TPO: variants seen among roughly 807,000 people sequenced by gnomAD.
TPO encodes thyroid peroxidase.
In TPO, 78 loss-of-function variants were observed where a neutral mutation model predicts 96.9. That is an observed-to-expected ratio of 0.81 (90% CI 0.67 to 0.97). The LOEUF (loss-of-function observed/expected upper bound fraction) is 0.97. Ranked by LOEUF, TPO falls within the 50% of genes least tolerant of loss-of-function variation. The pLI is 0.00. For synonymous variants in TPO, 547 were observed against 538.0 expected, an observed-to-expected ratio of 1.02 and a Z score of -0.23; for missense variants, 1,252 against 1,274.8, an observed-to-expected ratio of 0.98 and a Z score of 0.27.
chr2:1,490,480 A>G (rs1039327191), intron 10 of TPO, among the ~76,000 whole-genome samples: 45 of 141,632 alleles, frequency 3.2e-4, no homozygotes, highest in Middle Eastern at 3.8e-3. Flanking sequence ...GGTCCCACAC[A>G]GGGGGAGTCA....
At chr2:1,479,963 A>ATAGAC (rs1334488206) in intron 8 of TPO, among the ~76,000 whole-genome samples, 3 of 152,042 alleles carry the variant, frequency 2.0e-5, no homozygotes, top group Non-Finnish European at 4.4e-5. Context: ...TATATTTTTA[A>ATAGAC]TAGACATGGG....
rs752390603 is a variant in TPO, at chr2:1,503,996, C to T, written c.2435C>T (p.Ala812Val). Residue 812 changes from alanine (A) to valine (V), a missense_variant, in exon 14 of 17, where the codon GCG (alanine) becomes GTG (valine). Transcript: ENST00000329066. ...DGAHPPCHAS[A>V]RCRNTKGGFQ... The stretch of plus-strand genomic sequence containing the variant: ...GCCCACCCCCCCTGCCACGCCTCTG[C>T]GAGGTGCAGAAACACCAAAGGCGGC... The T allele has an allele frequency of 8.7e-6, 14 of 1,614,074 alleles. No individual in the cohort carries two copies. The highest frequency in any genetic ancestry group is 2.2e-5 in the South Asian group (2 of 91,090).
intron 7 of TPO, among the ~76,000 whole-genome samples, chr2:1,471,024 C>T (rs1669354517): frequency 6.6e-6 from 1 of 152,236 alleles, no homozygotes; most frequent in South Asian, 2.1e-4. Flanking sequence ...TTGCCTCTCT[C>T]TTCATAAGCA....
At chr2:1,509,439 C>A (rs1200418741) in intron 14 of TPO, among the ~76,000 whole-genome samples, 1 of 151,544 alleles carries the variant, frequency 6.6e-6, no homozygotes, top group Non-Finnish European at 1.5e-5. Flanking sequence ...TCAGGGACAC[C>A]ACATCCTCCT....
In TPO at chr2:1,529,163, C is replaced by T. The variant is rs1315483570; in HGVS notation, c.2619-11431C>T. 8.3e-5 allele frequency among the ~76,000 whole-genome samples: 8 copies of T among 96,428 alleles called. 1 individual carries two copies. The highest frequency in any genetic ancestry group is 7.6e-5 in the Non-Finnish European group (4 of 52,302). 63.3% of individuals were successfully genotyped at this position (96,428 alleles called of 152,430 possible). A position where few individuals can be genotyped will look rare whatever the true frequency, so the allele number is the denominator to read the frequency against. ...CCACTGTGTGCAACCTCCCTGAATC[C>T]CCCCACTGTGTGCAGCCTCTCCAAA... is the stretch of plus-strand genomic sequence containing the variant. On this transcript the variant is annotated intron_variant, in intron 15 of 16. Coordinates refer to ENST00000329066, the MANE Select transcript of TPO (RefSeq NM_001206744.2).
chr2:1,476,019 C>T (rs145997494), intron 7 of TPO, among the ~76,000 whole-genome samples: 9 of 152,342 alleles, frequency 5.9e-5, no homozygotes, highest in South Asian at 2.1e-4. Flanking sequence ...CGCACGGCAC[C>T]GAGCGGCCAA....
At chr2:1,512,088 C>A (rs1024620435) in intron 14 of TPO, among the ~76,000 whole-genome samples, 1 of 151,750 alleles carries the variant, frequency 6.6e-6, no homozygotes, top group Non-Finnish European at 1.5e-5. Context: ...GACTGGAGTG[C>A]AGTGGCGCGA....
At chr2:1,469,785 C>A (rs947893209) in intron 7 of TPO, among the ~76,000 whole-genome samples, 1 of 152,224 alleles carries the variant, frequency 6.6e-6, no homozygotes, top group South Asian at 2.1e-4. Flanking sequence ...TCTCCCACTT[C>A]CTCAGTTTGG....
intron 5 of TPO, 91 bp downstream of exon 5, chr2:1,436,475 T>G (rs1281573354): frequency 5.7e-6 from 9 of 1,582,606 alleles, no homozygotes; most frequent in Non-Finnish European, 8.6e-7. Context: ...CCACCACTGG[T>G]GGATCTGTAT....
chr2:1,378,772 G>A (rs1212845328), intron 1 of TPO, among the ~76,000 whole-genome samples: 6 of 152,190 alleles, frequency 3.9e-5, no homozygotes, highest in African/African-American at 9.7e-5. Context: ...CGGGGGGTTC[G>A]TGCCTGAGCT....
At chr2:1,388,283 G>C (rs2148353679) in intron 1 of TPO, among the ~76,000 whole-genome samples, 1 of 152,276 alleles carries the variant, frequency 6.6e-6, no homozygotes, top group South Asian at 2.1e-4. Context: ...GCTGCCTTTT[G>C]TTTGTCTGTG....
chr2:1,421,754 C>T (rs192676489), intron 2 of TPO, among the ~76,000 whole-genome samples: 2 of 152,282 alleles, frequency 1.3e-5, no homozygotes, highest in African/African-American at 4.8e-5. Context: ...CCATAAAGCC[C>T]GGAATGCTGG....
chr2:1,473,136 C>T (rs570530751), intron 7 of TPO, among the ~76,000 whole-genome samples: 3 of 152,292 alleles, frequency 2.0e-5, no homozygotes, highest in Admixed American at 2.0e-4. Flanking sequence ...TTTTATAAGG[C>T]CAGGTCTACT....
At chr2:1,532,985 C>T (rs1678669899) in intron 15 of TPO, among the ~76,000 whole-genome samples, 1 of 113,436 alleles carries the variant, frequency 8.8e-6, no homozygotes, top group African/African-American at 3.8e-5. Flanking sequence ...TCCCCAAATC[C>T]CTCCCACTGT....
chr2:1,388,530 T>A (rs889376527), intron 1 of TPO, among the ~76,000 whole-genome samples: 1 of 152,216 alleles, frequency 6.6e-6, no homozygotes, highest in Non-Finnish European at 1.5e-5. Context: ...TATAATCTCC[T>A]GGTGTGCCGT....
intron 7 of TPO, among the ~76,000 whole-genome samples, chr2:1,467,454 T>A (rs191584981): frequency 1.2e-4 from 18 of 152,322 alleles, no homozygotes; most frequent in Non-Finnish European, 8.8e-5. Flanking sequence ...CCCAGTGTCA[T>A]TCAGGAGCAG....
chr2:1,513,430 C>T (rs1432351344), intron 14 of TPO: 1 of 152,262 alleles, frequency 6.6e-6, no homozygotes, highest in African/African-American at 2.4e-5. Context: ...CACGGCTTCT[C>T]CTTCCGTCCT....
At chr2:1,431,635 G>A (rs942542563) in intron 3 of TPO, among the ~76,000 whole-genome samples, 8 of 152,174 alleles carry the variant, frequency 5.3e-5, no homozygotes, top group Non-Finnish European at 2.9e-5. Context: ...TACATGTGGT[G>A]AGAGCACTTA....
At chr2:1,393,738 G>GA (rs779976141) in intron 1 of TPO, among the ~76,000 whole-genome samples, 1 of 152,222 alleles carries the variant, frequency 6.6e-6, no homozygotes, top group East Asian at 1.9e-4. Context: ...CTTTATCCAG[G>GA]AAAAAATGCT....
Sources: allele counts gnomAD v4.1 joint callset (sites outside exome capture counted in the v4.1 genomes callset), GRCh38; gene constraint gnomAD v4.1.1; transcripts MANE v1.5; gene names NCBI Gene and HGNC (gene_info 2026-07-23, HGNC 2026-07-21).